The following DNAI2 variants were observed in gnomAD, a reference collection of about 807,000 sequenced individuals.
DNAI2 encodes dynein axonemal intermediate chain 2.
Under a neutral mutation model 74.7 loss-of-function variants are expected in DNAI2, and 63 were observed. The ratio of observed to expected loss-of-function variants is 0.84; its 90% CI spans 0.69 to 1.04. The LOEUF (loss-of-function observed/expected upper bound fraction) is 1.04, where lower values mean the gene tolerates loss of function less well. Among genes scored for constraint, DNAI2 ranks in the 50% least tolerant of loss-of-function variants. The probability of loss-of-function intolerance (pLI) is 0.00; values close to 1 mark genes in which losing one functional copy is unlikely to be tolerated. For missense variants in DNAI2, 688 were observed against 803.2 expected (o/e 0.86, Z 1.73); for synonymous variants, 289 against 314.9 (o/e 0.92, Z 0.87).
At chr17:74,299,879 G>C in intron 7 of DNAI2, 22 bp downstream of exon 7, 1 of 1,613,106 alleles carries the variant, frequency 6.2e-7, no homozygotes, top group Middle Eastern at 1.6e-4. Context: ...CCAGACACTG[G>C]AGAGAGGAGG....
chr17:74,310,022 T>G lies in DNAI2; in HGVS notation c.1353T>G (p.Cys451Trp), dbSNP rs781321992. 1.2e-6 allele frequency: 2 copies of G among 1,613,842 alleles called. No individual in the cohort carries two copies. Among genetic ancestry groups the G allele is most frequent in the South Asian group, 2.2e-5 (2 of 91,084 alleles). ...CTGCCCGGCCCCTTCAATAGGTGTG[T>G]GACGAGGCCCTCTTCTGCCTCCGGG... ...QCDPTLSLKV[C>W]DEALFCLRVQ... The change falls in exon 11 of 14, where the codon TGT becomes TGG. Residue 451 changes from cysteine to tryptophan, a missense_variant. Cys to Trp is a radical substitution (Grantham distance 215). Transcript: ENST00000311014.
At chr17:74,289,140 A>G (rs1404276457) in intron 4 of DNAI2, among the ~76,000 whole-genome samples, 2 of 152,180 alleles carry the variant, frequency 1.3e-5, no homozygotes, top group African/African-American at 2.4e-5. Flanking sequence ...AGGAGAGGGC[A>G]TGGCGGGGCA....
chr17:74,290,932 C>T (rs768263886), intron 5 of DNAI2, 88 bp from the exon 6 acceptor site: 24 of 1,185,940 alleles, frequency 2.0e-5, no homozygotes, highest in African/African-American at 1.4e-4. Context: ...ACCATGCCCC[C>T]GCTACCCACC....
intron 8 of DNAI2, among the ~76,000 whole-genome samples, chr17:74,302,284 A>G (rs1340694150): frequency 6.7e-6 from 1 of 150,042 alleles, no homozygotes; most frequent in Non-Finnish European, 1.5e-5. Context: ...AAAGAAAAAA[A>G]GGGCCAGGCA....
rs1222621274 is a variant in DNAI2, at chr17:74,300,056, C to G, written c.864+199C>G. Among the ~76,000 whole-genome samples the G allele has an allele frequency of 1.3e-5, 2 of 152,350 alleles. No individual in the cohort carries two copies. The highest frequency in any genetic ancestry group is 4.8e-5 in the African/African-American group (2 of 41,594). ...CTCTGCCTCCCGGGTTCAAGCAATT[C>G]TCCTGCCTCAGCCTCCCAAGTAGCT... On this transcript the variant is annotated intron_variant, in intron 7 of 13. Coordinates refer to ENST00000311014, the MANE Select transcript of DNAI2 (RefSeq NM_023036.6). This position sits in a 1 kb window ranked among gnomAD's most constrained non-coding sequence, Gnocchi z 4.5.
chr17:74,287,119 G>A (rs2051796483), intron 4 of DNAI2, 21 bp downstream of exon 4: 1 of 1,613,188 alleles, frequency 6.2e-7, no homozygotes, highest in Non-Finnish European at 8.5e-7. Flanking sequence ...AGCCAGGCAG[G>A]TGTCTGGCCA....
chr17:74,297,051 G>A (rs754639147), intron 6 of DNAI2, among the ~76,000 whole-genome samples: 2 of 152,056 alleles, frequency 1.3e-5, no homozygotes, highest in African/African-American at 4.8e-5. Flanking sequence ...CTTACTTCAC[G>A]GATTTTGCTG....
intron 1 of DNAI2, among the ~76,000 whole-genome samples, chr17:74,276,284 T>C (rs2051074004): frequency 6.6e-6 from 1 of 152,208 alleles, no homozygotes; most frequent in African/African-American, 2.4e-5. Context: ...GAATCTTTGA[T>C]GTCTGGACCA....
chr17:74,286,291 G>C (rs2051722950), intron 3 of DNAI2, among the ~76,000 whole-genome samples: 1 of 76,676 alleles, frequency 1.3e-5, no homozygotes, highest in Non-Finnish European at 3.1e-5. Context: ...GCAAGACTGT[G>C]TCTCAAAATA....
rs929848915 is a variant in DNAI2 at position 74,303,395 on chromosome 17, A to G, written c.988-1824A>G. The stretch of plus-strand genomic sequence containing the variant: ...AATACTTTCTTCTCTGGACCTCTCA[A>G]GCTTGGTCTTTCCACTTGCCCTTGA... On this transcript the variant is annotated intron_variant, in intron 8 of 13. Coordinates refer to ENST00000311014, the MANE Select transcript of DNAI2 (RefSeq NM_023036.6). Among the ~76,000 whole-genome samples the G allele has an allele frequency of 3.9e-5, 6 of 152,098 alleles. No homozygotes were observed. In the East Asian group the frequency reaches 1.2e-3, roughly 29 times the overall value.
chr17:74,285,996 G>A (rs926746532), intron 3 of DNAI2, among the ~76,000 whole-genome samples: 1 of 139,110 alleles, frequency 7.2e-6, no homozygotes, highest in African/African-American at 2.7e-5. Context: ...GAGAGAGAGA[G>A]ATTAATAATT....
intron 8 of DNAI2, among the ~76,000 whole-genome samples, chr17:74,303,666 C>G (rs529471578): frequency 6.6e-6 from 1 of 150,888 alleles, no homozygotes; most frequent in Non-Finnish European, 1.5e-5. Context: ...GATCTTGGCT[C>G]GCTGCAACCT....
Position 74,314,609 on chromosome 17 carries a change from G to C in DNAI2, c.*76G>C. 3.9e-6 allele frequency: 1 copy of C among 257,178 alleles called. No homozygotes were observed. The allele number at this position is 257,178 out of a possible 1,614,324, so 15.9% of individuals were successfully genotyped here. ...TGCAGACCCTCAACCAGACTTGCAT[G>C]GCCATGGCAGGGCCTCGGGAAGACC... is the stretch of plus-strand genomic sequence containing the variant. On this transcript the variant is annotated 3_prime_UTR_variant, in exon 14 of 14. Transcript: ENST00000311014.
At chr17:74,312,266 C>A (rs752981998) in intron 12 of DNAI2, 36 bp downstream of exon 12, 1 of 520,116 alleles carries the variant, frequency 1.9e-6, no homozygotes. Flanking sequence ...GGGTTGGGGA[C>A]TGGGCGGGAC....
At chr17:74,308,381 C>A (rs1291817420) in intron 9 of DNAI2, among the ~76,000 whole-genome samples, 1 of 152,210 alleles carries the variant, frequency 6.6e-6, no homozygotes, top group East Asian at 1.9e-4. Flanking sequence ...GCGGTAGCAG[C>A]TTTTCTGGGC....
chr17:74,301,641 C>G (rs1016162655), intron 8 of DNAI2, among the ~76,000 whole-genome samples: 3 of 151,638 alleles, frequency 2.0e-5, no homozygotes, highest in African/African-American at 4.8e-5. Context: ...AGAGCACAAG[C>G]ATGGTCTCGG....
At chr17:74,294,298 C>CTTTTTTTTTTTT (rs113049803) in intron 6 of DNAI2, among the ~76,000 whole-genome samples, 35 of 139,660 alleles carry the variant, frequency 2.5e-4, no homozygotes, top group East Asian at 8.4e-4. Flanking sequence ...CTTATCATTT[C>CTTTTTTTTTTTT]TTTTTTTTTT....
rs557740709 is a variant in DNAI2, at chr17:74,281,788, C to T, written c.-11-19C>T. The T allele has an allele frequency of 2.2e-5, 35 of 1,611,952 alleles. No homozygotes were observed. The East Asian group carries it at 7.4e-4, about 34-fold the overall frequency. On this transcript the variant is annotated intron_variant, in intron 1 of 13. Coordinates refer to ENST00000311014, the MANE Select transcript of DNAI2 (RefSeq NM_023036.6). ...GGCCGGTGGGGTCCCTCACCCCACA[C>T]CCTCCCTCTGCCCCCCAGCAGCCGG...
At chr17:74,308,098 C>G (rs776404021) in intron 9 of DNAI2, among the ~76,000 whole-genome samples, 8 of 152,124 alleles carry the variant, frequency 5.3e-5, no homozygotes, top group Non-Finnish European at 1.2e-4. Flanking sequence ...GCGCCCGGCC[C>G]AGATCCTTTC....
Sources: gnomAD v4.1 joint callset for allele counts (sites outside exome capture counted in the v4.1 genomes callset) on GRCh38, gnomAD v4.1.1 for gene constraint, Gnocchi (gnomAD v3.1) non-coding constraint, MANE v1.5 for transcripts, NCBI Gene and HGNC (gene_info 2026-07-23, HGNC 2026-07-21) for gene names.